The following CADM2 variants were observed in gnomAD, a reference collection of about 807,000 sequenced individuals.
CADM2 encodes the protein immunoglobulin superfamily member 4D.
In CADM2, 12 loss-of-function variants were observed where a neutral mutation model predicts 49.8. That is an observed-to-expected ratio of 0.24 (90% CI 0.15 to 0.39). The LOEUF (loss-of-function observed/expected upper bound fraction) is 0.39. CADM2 is among the 10% of genes least tolerant of loss of function. CADM2 has a pLI of 1.00. For synonymous variants in CADM2, 214 were observed against 175.4 expected (o/e 1.22, Z -1.74); for missense variants, 378 against 492.3 (o/e 0.77, Z 2.20).
At chr3:85,418,971 A>AG (rs1491274463) in intron 1 of CADM2, among the ~76,000 whole-genome samples, 1 of 30,750 alleles carries the variant, frequency 3.3e-5, no homozygotes, top group Non-Finnish European at 1.0e-4. Context: ...TTGAGAGGGG[A>AG]AAAAAAAATG....
chr3:85,666,784 C>T (rs1389207657), intron 1 of CADM2, among the ~76,000 whole-genome samples: 5 of 151,716 alleles, frequency 3.3e-5, no homozygotes, highest in African/African-American at 1.2e-4. Flanking sequence ...GAGTGATCTT[C>T]CTAGGTTGTA....
At chr3:85,944,105 AT>A (rs1722323849) in intron 7 of CADM2, among the ~76,000 whole-genome samples, 1 of 152,062 alleles carries the variant, frequency 6.6e-6, no homozygotes, top group Admixed American at 6.6e-5. Flanking sequence ...AAAACGAAAA[AT>A]GGCAGGGTTG....
chr3:85,311,452 T>G (rs1244062802), intron 1 of CADM2, among the ~76,000 whole-genome samples: 1 of 151,794 alleles, frequency 6.6e-6, no homozygotes, highest in Middle Eastern at 3.4e-3. Flanking sequence ...CTCGGCTCAC[T>G]GCAAGCTCCG....
intron 2 of CADM2, among the ~76,000 whole-genome samples, chr3:85,769,924 T>C (rs1208226614): frequency 6.6e-6 from 1 of 152,006 alleles, no homozygotes; most frequent in African/African-American, 2.4e-5. Context: ...AAAACAGTGA[T>C]GGCTCAAATA....
chr3:85,046,851 A>C (rs1284362603), intron 1 of CADM2, among the ~76,000 whole-genome samples: 1 of 151,936 alleles, frequency 6.6e-6, no homozygotes, highest in African/African-American at 2.4e-5. Context: ...TTACATTAGC[A>C]TAAATAGTGA....
chr3:85,095,088 A>G (rs562159202), intron 1 of CADM2, among the ~76,000 whole-genome samples: 13 of 152,322 alleles, frequency 8.5e-5, no homozygotes, highest in South Asian at 8.3e-4. Flanking sequence ...CTCATACCCA[A>G]TGGATGTCTA....
intron 1 of CADM2, among the ~76,000 whole-genome samples, chr3:85,107,576 CTTTCTTTCT>C (rs150922432): frequency 0.37 from 54,737 of 149,916 alleles, 13,191 homozygotes; most frequent in Non-Finnish European, 0.54. Context: ...CTCTTTCTCT[CTTTCTTTCT>C]TTTCTTTCTT....
At chr3:86,011,760 AG>A (rs1731540579) in intron 8 of CADM2, among the ~76,000 whole-genome samples, 1 of 152,174 alleles carries the variant, frequency 6.6e-6, no homozygotes, top group Non-Finnish European at 1.5e-5. Flanking sequence ...ATGTAAAAAA[AG>A]AAAAATGCTA....
chr3:85,797,706 G>T (rs1415493146), intron 2 of CADM2, among the ~76,000 whole-genome samples: 2 of 152,202 alleles, frequency 1.3e-5, no homozygotes, highest in Non-Finnish European at 2.9e-5. Context: ...TGTGAATACA[G>T]CTGCAATAAA....
chr3:85,899,850 C>T (rs190639590), intron 5 of CADM2, among the ~76,000 whole-genome samples: 294 of 152,194 alleles, frequency 1.9e-3, no homozygotes, highest in African/African-American at 6.8e-3. Context: ...TAGATCTTGT[C>T]CCAGCCTCAG....
At chr3:85,414,918 CTTA>C (rs1197636767) in intron 1 of CADM2, among the ~76,000 whole-genome samples, 7 of 152,134 alleles carry the variant, frequency 4.6e-5, no homozygotes, top group Middle Eastern at 6.8e-3. Flanking sequence ...AGCTGAAATT[CTTA>C]TTATTAGCCT....
At position 85,886,345 on chromosome 3, in the gene CADM2, G is replaced by A. The variant is rs1713651685; in HGVS notation, c.529+18G>A. Reference sequence around the variant, plus strand: ...GATTAAAGGTAAAGAATAGAAAAATGAAAATCAAAATTAATGTGCTGAAAC... The same window carrying A: ...GATTAAAGGTAAAGAATAGAAAAATAAAAATCAAAATTAATGTGCTGAAAC... On this transcript the variant is annotated intron_variant, in intron 5 of 9. Coordinates refer to ENST00000383699, the MANE Select transcript of CADM2 (RefSeq NM_001167675.2). 2 of 1,582,616 alleles carry A rather than the reference G, an allele frequency of 1.3e-6. No individual in the cohort carries two copies. Among genetic ancestry groups the A allele is most frequent in the Non-Finnish European group, 1.7e-6 (2 of 1,153,046 alleles).
chr3:85,597,864 T>C lies in CADM2; in HGVS notation c.62-128658T>C, dbSNP rs552034792. The stretch of plus-strand genomic sequence containing the variant: ...AAATAATAGTACTTTTCATAATGTG[T>C]TTAATATTGGTTAAAACCATCTTTT... On this transcript the variant is annotated intron_variant, in intron 1 of 9. Transcript: ENST00000383699. 5.9e-5 allele frequency among the ~76,000 whole-genome samples: 9 copies of C among 152,226 alleles called. No individual in the cohort carries two copies. In the South Asian group the frequency reaches 1.9e-3, roughly 32 times the overall value.
chr3:85,856,619 A>G (rs1488078059), intron 3 of CADM2, among the ~76,000 whole-genome samples: 1 of 152,220 alleles, frequency 6.6e-6, no homozygotes, highest in Non-Finnish European at 1.5e-5. Flanking sequence ...ATTATGCTTA[A>G]TAATGAATTG....
At chr3:85,266,590 T>C (rs1292431398) in intron 1 of CADM2, among the ~76,000 whole-genome samples, 1 of 75,724 alleles carries the variant, frequency 1.3e-5, no homozygotes, top group African/African-American at 4.1e-5. Context: ...GAATTATTTT[T>C]ATGAAACTAG....
At chr3:85,125,117 T>C (rs1337962968) in intron 1 of CADM2, among the ~76,000 whole-genome samples, 2 of 152,148 alleles carry the variant, frequency 1.3e-5, no homozygotes, top group African/African-American at 4.8e-5. Flanking sequence ...TTATTAAGAA[T>C]GTCCAAATTC....
At chr3:85,835,489 G>A (rs891633513) in intron 3 of CADM2, among the ~76,000 whole-genome samples, 5 of 150,800 alleles carry the variant, frequency 3.3e-5, no homozygotes, top group African/African-American at 1.2e-4. Flanking sequence ...CAGAACTACA[G>A]CTCTTAGTTT....
chr3:85,617,853 A>T (rs1026810426), intron 1 of CADM2, among the ~76,000 whole-genome samples: 1 of 152,214 alleles, frequency 6.6e-6, no homozygotes, highest in Non-Finnish European at 1.5e-5. Flanking sequence ...ACAAAAAGTG[A>T]TAAAATAAAG....
At chr3:85,398,791 G>A (rs1269805216) in intron 1 of CADM2, among the ~76,000 whole-genome samples, 2 of 152,200 alleles carry the variant, frequency 1.3e-5, no homozygotes, top group Admixed American at 1.3e-4. Context: ...TCTGTTGGCT[G>A]CATAAATGTC....
Sources: allele counts gnomAD v4.1 joint callset (sites outside exome capture counted in the v4.1 genomes callset), GRCh38; gene constraint gnomAD v4.1.1; transcripts MANE v1.5; gene names NCBI Gene and HGNC (gene_info 2026-07-23, HGNC 2026-07-21).